The following FIG4 variants were observed in gnomAD, a reference collection of about 807,000 sequenced individuals.
FIG4 encodes the protein polyphosphoinositide phosphatase.
FIG4 carries 112 observed loss-of-function variants against 118.6 expected under a neutral mutation model. The ratio of observed to expected loss-of-function variants is 0.94; its 90% CI spans 0.81 to 1.11. The LOEUF (loss-of-function observed/expected upper bound fraction) is 1.11. FIG4 is among the 50% of genes least tolerant of loss of function. The pLI is 0.00. For synonymous variants in FIG4, 369 were observed against 381.2 expected (o/e 0.97, Z 0.37); for missense variants, 969 against 1,111.7 (o/e 0.87, Z 1.83).
At chr6:109,743,830 T>A in intron 10 of FIG4, 58 bp downstream of exon 10, 1 of 1,214,010 alleles carries the variant, frequency 8.2e-7, no homozygotes, top group Non-Finnish European at 1.2e-6. Context: ...AGCCTCTTCC[T>A]CAACACAGAG....
At chr6:109,736,420 C>T (rs1392024766) in intron 6 of FIG4, among the ~76,000 whole-genome samples, 2 of 152,134 alleles carry the variant, frequency 1.3e-5, no homozygotes, top group Non-Finnish European at 2.9e-5. Flanking sequence ...AGGGCACCCT[C>T]CCTACTCCCA....
At chr6:109,739,364 C>T (rs757497912) in intron 7 of FIG4, among the ~76,000 whole-genome samples, 61 of 152,064 alleles carry the variant, frequency 4.0e-4, no homozygotes, top group African/African-American at 1.1e-3. Flanking sequence ...AGTGGTTTTT[C>T]GATTTTTTCT....
At chr6:109,793,214 A>G (rs1778189002) in intron 21 of FIG4, among the ~76,000 whole-genome samples, 2 of 152,262 alleles carry the variant, frequency 1.3e-5, no homozygotes, top group African/African-American at 2.4e-5. Flanking sequence ...GTACCAGTAC[A>G]TTCCTGCATT....
chr6:109,707,289 A>ATG (rs140367336), intron 1 of FIG4, among the ~76,000 whole-genome samples: 6,527 of 145,032 alleles, frequency 0.045, 485 homozygotes, highest in African/African-American at 0.16. Flanking sequence ...GTATATATAT[A>ATG]TATGTGTGTG....
At chr6:109,695,881 C>T (rs1314772794) in intron 1 of FIG4, among the ~76,000 whole-genome samples, 1 of 152,190 alleles carries the variant, frequency 6.6e-6, no homozygotes, top group African/African-American at 2.4e-5. Flanking sequence ...GTTTGCTCAA[C>T]TTTAAATTTT....
intron 1 of FIG4, among the ~76,000 whole-genome samples, chr6:109,701,542 C>T (rs1464693249): frequency 6.6e-6 from 1 of 152,208 alleles, no homozygotes; most frequent in Non-Finnish European, 1.5e-5. Flanking sequence ...AGAACTAGGT[C>T]TGCATGTGTC....
intron 3 of FIG4, among the ~76,000 whole-genome samples, chr6:109,723,717 C>T (rs1775680972): frequency 6.6e-6 from 1 of 152,180 alleles, no homozygotes; most frequent in Non-Finnish European, 1.5e-5. Context: ...AGTTCTTCCC[C>T]AGGAATTCTG....
intron 3 of FIG4, among the ~76,000 whole-genome samples, chr6:109,725,075 T>G (rs937696241): frequency 2.7e-5 from 4 of 147,968 alleles, no homozygotes. Flanking sequence ...ATGAATGAAT[T>G]AAATTGTTTA....
At chr6:109,709,436 G>C (rs949117149) in intron 1 of FIG4, among the ~76,000 whole-genome samples, 1 of 152,160 alleles carries the variant, frequency 6.6e-6, no homozygotes, top group Non-Finnish European at 1.5e-5. Context: ...GATTGTGTTG[G>C]CTATTTGGGC....
intron 22 of FIG4, among the ~76,000 whole-genome samples, chr6:109,802,450 G>C (rs1002358522): frequency 6.6e-6 from 1 of 152,190 alleles, no homozygotes; most frequent in Non-Finnish European, 1.5e-5. Flanking sequence ...AAATGAAATA[G>C]CACTGAACTG....
At chr6:109,744,855 T>A (rs1776438067) in intron 10 of FIG4, among the ~76,000 whole-genome samples, 1 of 151,584 alleles carries the variant, frequency 6.6e-6, no homozygotes, top group Non-Finnish European at 1.5e-5. Context: ...GTGTTCTCAT[T>A]GTTCAGTTCC....
chr6:109,742,736 T>G (rs1045528893), intron 8 of FIG4, among the ~76,000 whole-genome samples: 16 of 152,162 alleles, frequency 1.1e-4, no homozygotes, highest in Non-Finnish European at 1.6e-4. Context: ...CATTTCACTT[T>G]GGTCTTCAGA....
At chr6:109,759,446 T>C (rs1269273579) in intron 10 of FIG4, among the ~76,000 whole-genome samples, 1 of 152,164 alleles carries the variant, frequency 6.6e-6, no homozygotes, top group Non-Finnish European at 1.5e-5. Context: ...CTCACCATGC[T>C]CTGTCTCATT....
At chr6:109,709,043 A>G (rs976384676) in intron 1 of FIG4, among the ~76,000 whole-genome samples, 4 of 152,154 alleles carry the variant, frequency 2.6e-5, no homozygotes, top group Admixed American at 6.5e-5. Flanking sequence ...GCCTGTGCCT[A>G]TGTCCTGAAT....
intron 1 of FIG4, among the ~76,000 whole-genome samples, chr6:109,706,884 ATTC>A (rs1775083893): frequency 2.0e-5 from 3 of 152,070 alleles, no homozygotes; most frequent in African/African-American, 4.8e-5. Flanking sequence ...TTTACAAACC[ATTC>A]TTCTTAGGTG....
chr6:109,714,245 C>T (rs891454553), intron 1 of FIG4, among the ~76,000 whole-genome samples: 5 of 152,136 alleles, frequency 3.3e-5, no homozygotes, highest in African/African-American at 4.8e-5. Flanking sequence ...TCACTGGGGG[C>T]CAGGAATGAA....
At chr6:109,725,600 A>G (rs1775779171) in intron 3 of FIG4, among the ~76,000 whole-genome samples, 1 of 152,198 alleles carries the variant, frequency 6.6e-6, no homozygotes, top group South Asian at 2.1e-4. Context: ...CATGATTTCT[A>G]ATCCTTTGGG....
chr6:109,768,543 G>A (rs1777352117), intron 15 of FIG4, among the ~76,000 whole-genome samples: 1 of 151,976 alleles, frequency 6.6e-6, no homozygotes. Flanking sequence ...AACTTAACTG[G>A]GTCCCCTGCT....
At chr6:109,773,318 C>A (rs1057013485) in intron 15 of FIG4, among the ~76,000 whole-genome samples, 1 of 152,076 alleles carries the variant, frequency 6.6e-6, no homozygotes, top group Non-Finnish European at 1.5e-5. Context: ...AGAAAATATT[C>A]ATGGTATGAT....
Sources: allele counts gnomAD v4.1 joint callset (sites outside exome capture counted in the v4.1 genomes callset), GRCh38; gene constraint gnomAD v4.1.1; transcripts MANE v1.5; gene names NCBI Gene and HGNC (gene_info 2026-07-23, HGNC 2026-07-21).